GRM8: variants seen among roughly 807,000 people sequenced by gnomAD.
The protein encoded by GRM8 is glutamate metabotropic receptor 8.
Under a neutral mutation model 87.2 loss-of-function variants are expected in GRM8, and 47 were observed. The observed-to-expected ratio is 0.54, with a 90% CI of 0.43 to 0.69. The LOEUF (loss-of-function observed/expected upper bound fraction) is 0.69. GRM8 is among the 30% of genes least tolerant of loss of function. The pLI is 0.00. For synonymous variants in GRM8, 396 were observed against 404.5 expected, an observed-to-expected ratio of 0.98 and a Z score of 0.25; for missense variants, 1,019 against 1,139.2, an observed-to-expected ratio of 0.89 and a Z score of 1.52.
chr7:126,525,869 C>T lies in GRM8; in HGVS notation c.2430+7083G>A, dbSNP rs1415922488. Among the ~76,000 whole-genome samples the T allele has an allele frequency of 3.3e-5, 5 of 152,216 alleles. No homozygotes were observed. The East Asian group carries it at 7.7e-4, about 23-fold the overall frequency. ...CTTTGTGCCAGCCATTATCTTGAAC[C>T]AGAAACCAGATTAAATTTCTTTTTA... On this transcript the variant is annotated intron_variant, in intron 9 of 10. Coordinates refer to ENST00000339582, the MANE Select transcript of GRM8 (RefSeq NM_000845.3).
chr7:127,125,765 A>AACACACAC (rs375563287), intron 2 of GRM8, among the ~76,000 whole-genome samples: 7,440 of 141,086 alleles, frequency 0.053, 484 homozygotes, highest in African/African-American at 0.16. Context: ...CAAACAACTA[A>AACACACAC]ACACACACAC....
At chr7:126,474,024 T>C (rs1035489694) in intron 9 of GRM8, among the ~76,000 whole-genome samples, 1 of 152,174 alleles carries the variant, frequency 6.6e-6, no homozygotes, top group African/African-American at 2.4e-5. Flanking sequence ...CATAGCACTA[T>C]GAAAATGGAC....
intron 1 of GRM8, among the ~76,000 whole-genome samples, chr7:127,244,924 C>T (rs1382417610): frequency 6.6e-6 from 1 of 152,174 alleles, no homozygotes; most frequent in African/African-American, 2.4e-5. Context: ...TCTGTGCAGC[C>T]TAAGACAAGT....
At chr7:127,185,268 T>C (rs17869901) in intron 2 of GRM8, among the ~76,000 whole-genome samples, 1 of 151,978 alleles carries the variant, frequency 6.6e-6, no homozygotes, top group African/African-American at 2.4e-5. Context: ...CATATATTAC[T>C]AGATAAATGG....
Position 126,957,442 on chromosome 7 carries a change from A to C in GRM8, c.728-52759T>G, listed in dbSNP as rs995034167. ...CTTCTGGGCGCAGCTGCAGCCACCC[A>C]GCTGCAGCTCCAGACTGGGCATCCC... On this transcript the variant is annotated intron_variant, in intron 3 of 10. Coordinates refer to ENST00000339582, the MANE Select transcript of GRM8 (RefSeq NM_000845.3). 4.3e-4 allele frequency among the ~76,000 whole-genome samples: 66 copies of C among 152,160 alleles called. 2 individuals are homozygous for C. The highest frequency in any genetic ancestry group is 1.5e-4 in the Non-Finnish European group (10 of 68,022).
At chr7:126,749,354 T>C (rs13226841) in intron 7 of GRM8, among the ~76,000 whole-genome samples, 56,953 of 151,416 alleles carry the variant, frequency 0.38, 12,214 homozygotes, top group Non-Finnish European at 0.48. Context: ...ACTATAAAAC[T>C]TCGAGAAGAA....
intron 3 of GRM8, among the ~76,000 whole-genome samples, chr7:126,965,599 T>TATC (rs1484476318): frequency 2.6e-5 from 4 of 152,164 alleles, no homozygotes; most frequent in African/African-American, 9.7e-5. Context: ...ATACCTGAAA[T>TATC]ATCACTTTAA....
chr7:127,069,291 T>C (rs1244756646), intron 3 of GRM8, among the ~76,000 whole-genome samples: 2 of 152,188 alleles, frequency 1.3e-5, no homozygotes, highest in East Asian at 1.9e-4. Flanking sequence ...GCCTCCCAAG[T>C]AGCTGGGATT....
At chr7:126,616,183 C>CCA in intron 7 of GRM8, among the ~76,000 whole-genome samples, 1 of 152,308 alleles carries the variant, frequency 6.6e-6, no homozygotes, top group East Asian at 1.9e-4. Flanking sequence ...ATCTCTCAGA[C>CCA]CACAGTGCAA....
chr7:126,510,141 G>A (rs934307859), intron 9 of GRM8, among the ~76,000 whole-genome samples: 2 of 151,958 alleles, frequency 1.3e-5, no homozygotes, highest in African/African-American at 4.8e-5. Flanking sequence ...TTAATCTATA[G>A]CTGCACATTT....
At chr7:126,595,953 A>T (rs1797146467) in intron 8 of GRM8, among the ~76,000 whole-genome samples, 1 of 152,194 alleles carries the variant, frequency 6.6e-6, no homozygotes, top group South Asian at 2.1e-4. Flanking sequence ...CCTGGACAAT[A>T]TGGTGAAACC....
In GRM8 at chr7:127,073,068, A is replaced by C. The variant is rs10263148; in HGVS notation, c.727+33428T>G. Among the ~76,000 whole-genome samples the C allele has an allele frequency of 1.5e-3, 226 of 152,254 alleles. 2 individuals carry two copies. Among genetic ancestry groups the C allele is most frequent in the African/African-American group, 5.1e-3 (214 of 41,554 alleles). On this transcript the variant is annotated intron_variant, in intron 3 of 10. Coordinates refer to ENST00000339582, the MANE Select transcript of GRM8 (RefSeq NM_000845.3). ...TGAAGGGGAAATGAGAAGGAGAGTC[A>C]GTCATCACCGCCACAGCTGTAGGAA...
At chr7:127,025,599 G>A (rs1019887808) in intron 3 of GRM8, among the ~76,000 whole-genome samples, 2 of 151,978 alleles carry the variant, frequency 1.3e-5, no homozygotes, top group Non-Finnish European at 2.9e-5. Flanking sequence ...CCTGTGCTAG[G>A]TGCAGGAACA....
chr7:126,683,338 CTGTT>C (rs1003708703), intron 7 of GRM8, among the ~76,000 whole-genome samples: 1 of 152,216 alleles, frequency 6.6e-6, no homozygotes, highest in African/African-American at 2.4e-5. Flanking sequence ...ATTTTCTTCT[CTGTT>C]TGGTGCTATG....
At chr7:126,647,324 TAGATAGATAGATAG>T (rs1364766358) in intron 7 of GRM8, among the ~76,000 whole-genome samples, 42 of 56,550 alleles carry the variant, frequency 7.4e-4, no homozygotes, top group East Asian at 3.2e-3. Flanking sequence ...GATAGATAGA[TAGATAGATAGATAG>T]ATAGATATAG....
intron 2 of GRM8, among the ~76,000 whole-genome samples, chr7:127,159,286 C>T (rs1452136501): frequency 6.6e-6 from 1 of 152,094 alleles, no homozygotes; most frequent in African/African-American, 2.4e-5. Flanking sequence ...TAATAAGATG[C>T]AAGGTAAAGT....
chr7:126,812,089 T>G (rs373949232), intron 6 of GRM8, among the ~76,000 whole-genome samples: 9 of 152,036 alleles, frequency 5.9e-5, no homozygotes, highest in Admixed American at 2.6e-4. Context: ...AATATATCCA[T>G]GTAACCAAAT....
chr7:127,091,554 C>A (rs1387962970), intron 3 of GRM8, among the ~76,000 whole-genome samples: 1 of 115,386 alleles, frequency 8.7e-6, no homozygotes, highest in Admixed American at 8.4e-5. Context: ...TGGTCATCCC[C>A]ATCCCACTCA....
intron 7 of GRM8, among the ~76,000 whole-genome samples, chr7:126,659,702 C>A: frequency 6.6e-6 from 1 of 152,150 alleles, no homozygotes; most frequent in Non-Finnish European, 1.5e-5. Flanking sequence ...ACATTAAAGA[C>A]TGCATTAAAT....
Sources: gnomAD v4.1 joint callset for allele counts (sites outside exome capture counted in the v4.1 genomes callset) on GRCh38, gnomAD v4.1.1 for gene constraint, MANE v1.5 for transcripts, NCBI Gene and HGNC (gene_info 2026-07-23, HGNC 2026-07-21) for gene names.